Variants in TOM1L2 observed in about 807,000 individuals in gnomAD.
TOM1L2 encodes target of myb1 like 2 membrane trafficking protein, also known as TOM1-like protein 2.
Under a neutral mutation model 67.9 loss-of-function variants are expected in TOM1L2, and 31 were observed. The observed-to-expected ratio is 0.46, with a 90% CI of 0.34 to 0.62. The LOEUF is 0.62. TOM1L2 is among the 20% of genes least tolerant of loss of function. The pLI is 0.01. For missense variants in TOM1L2, 606 were observed against 663.5 expected (o/e 0.91, Z 0.95); for synonymous variants, 256 against 254.0 (o/e 1.01, Z -0.07).
chr17:17,866,003 T>C (rs775645193), intron 10 of TOM1L2, among the ~76,000 whole-genome samples: 5 of 151,820 alleles, frequency 3.3e-5, no homozygotes, highest in Non-Finnish European at 7.4e-5. Context: ...CGGCCTCCCA[T>C]AGTGCTGGGA....
intron 1 of TOM1L2, among the ~76,000 whole-genome samples, chr17:17,970,455 G>A (rs1276518379): frequency 1.3e-5 from 2 of 151,690 alleles, no homozygotes; most frequent in African/African-American, 4.9e-5. Flanking sequence ...AAAGGGGACA[G>A]AAAGGAAAAC....
chr17:17,864,453 A>G (rs9895335), intron 10 of TOM1L2, among the ~76,000 whole-genome samples: 80,254 of 147,998 alleles, frequency 0.54, 22,368 homozygotes, highest in Non-Finnish European at 0.63. Context: ...CTTGTGATCC[A>G]CCCGCCTCGG....
intron 11 of TOM1L2, chr17:17,862,525 G>A: frequency 1.7e-6 from 1 of 582,298 alleles, no homozygotes. Flanking sequence ...AGGAGAGTGT[G>A]TGTGTGTTTG....
intron 1 of TOM1L2, among the ~76,000 whole-genome samples, chr17:17,955,941 G>A (rs149197235): frequency 6.6e-6 from 1 of 152,196 alleles, no homozygotes; most frequent in East Asian, 1.9e-4. Flanking sequence ...CGCTCCTACC[G>A]CCTGGAATTG....
intron 2 of TOM1L2, among the ~76,000 whole-genome samples, chr17:17,902,466 T>A (rs555273702): frequency 2.7e-4 from 41 of 152,382 alleles, no homozygotes; most frequent in Non-Finnish European, 8.8e-5. Flanking sequence ...GCATCCTGCA[T>A]GTGCCCTTCC....
intron 3 of TOM1L2, among the ~76,000 whole-genome samples, chr17:17,894,187 G>C (rs922704722): frequency 6.6e-6 from 1 of 152,138 alleles, no homozygotes; most frequent in Non-Finnish European, 1.5e-5. Flanking sequence ...TTAGCCAATC[G>C]GACATGGGCT....
chr17:17,957,689 C>T (rs549556109), intron 1 of TOM1L2, among the ~76,000 whole-genome samples: 2 of 151,252 alleles, frequency 1.3e-5, no homozygotes, highest in South Asian at 4.2e-4. Flanking sequence ...ATATATTTAC[C>T]TGTGTGCATG....
intron 12 of TOM1L2, among the ~76,000 whole-genome samples, chr17:17,853,211 C>T (rs2036083639): frequency 6.6e-6 from 1 of 152,224 alleles, no homozygotes; most frequent in Non-Finnish European, 1.5e-5. Flanking sequence ...AAAACTGAAG[C>T]TTAGAAAGTC....
At chr17:17,968,863 A>G (rs1330558333) in intron 1 of TOM1L2, among the ~76,000 whole-genome samples, 1 of 152,044 alleles carries the variant, frequency 6.6e-6, no homozygotes, top group Non-Finnish European at 1.5e-5. Flanking sequence ...TTCTGCATGC[A>G]GAGTTCCTAC....
chr17:17,921,168 T>C (rs2039851900), intron 1 of TOM1L2, among the ~76,000 whole-genome samples: 1 of 152,212 alleles, frequency 6.6e-6, no homozygotes, highest in East Asian at 1.9e-4. Flanking sequence ...CTTATTCTCC[T>C]GTCTGGAGAG....
intron 1 of TOM1L2, among the ~76,000 whole-genome samples, chr17:17,933,900 T>C (rs1024492137): frequency 3.9e-5 from 6 of 152,136 alleles, no homozygotes; most frequent in Admixed American, 2.6e-4. Context: ...ATTTAAAGAA[T>C]GTGACTTGGG....
chr17:17,940,882 C>G (rs149996996), intron 1 of TOM1L2, among the ~76,000 whole-genome samples: 62 of 152,314 alleles, frequency 4.1e-4, no homozygotes, highest in Non-Finnish European at 7.6e-4. Flanking sequence ...GAAAGCCAGA[C>G]TGTCATTCGA....
chr17:17,970,404 T>C (rs2042024005), intron 1 of TOM1L2, among the ~76,000 whole-genome samples: 1 of 152,158 alleles, frequency 6.6e-6, no homozygotes, highest in Admixed American at 6.5e-5. Context: ...TACCCCTCAT[T>C]TACTACCTTG....
intron 4 of TOM1L2, 53 bp downstream of exon 4, chr17:17,893,601 CATCAATA>C: frequency 6.7e-7 from 1 of 1,487,356 alleles, no homozygotes; most frequent in Non-Finnish European, 9.2e-7. Context: ...CATGAGGACT[CATCAATA>C]AGAGACTTCA....
At chr17:17,862,697 TC>T (rs773352083) in intron 11 of TOM1L2, 33 bp downstream of exon 11, 20 of 1,558,236 alleles carry the variant, frequency 1.3e-5, no homozygotes, top group Non-Finnish European at 1.6e-5. Flanking sequence ...CCCCCCAATA[TC>T]TTTAGAGAGC....
intron 7 of TOM1L2, among the ~76,000 whole-genome samples, chr17:17,876,390 C>G (rs6502619): frequency 0.44 from 66,349 of 152,108 alleles, 17,286 homozygotes; most frequent in Non-Finnish European, 0.61. Context: ...GGTGGGCTGC[C>G]AAATGCTGCC....
rs139160414 is a variant in TOM1L2, at chr17:17,878,478, C to G, written c.777+1149G>C. On this transcript the variant is annotated intron_variant, in intron 7 of 14. Coordinates refer to ENST00000379504, the MANE Select transcript of TOM1L2 (RefSeq NM_001082968.2). ...ACTGTGTTTTGTGTCAGGCCTGGAA[C>G]AGGTCTCCACCCACCCTCACCCCCA... Among the ~76,000 whole-genome samples, 45 of 152,278 alleles carry G rather than the reference C, an allele frequency of 3.0e-4. No homozygotes were observed. In the East Asian group the frequency reaches 8.7e-3, roughly 29 times the overall value.
chr17:17,887,001 T>C (rs1475384461), intron 4 of TOM1L2, among the ~76,000 whole-genome samples: 1 of 152,236 alleles, frequency 6.6e-6, no homozygotes, highest in Non-Finnish European at 1.5e-5. Context: ...ACAGCCTATG[T>C]TCTCCAGAAG....
chr17:17,947,195 TCA>T (rs1348281062), intron 1 of TOM1L2, among the ~76,000 whole-genome samples: 1 of 152,042 alleles, frequency 6.6e-6, no homozygotes, highest in Non-Finnish European at 1.5e-5. Context: ...AGTGAGCTTT[TCA>T]GTTTTATACG....
Sources: allele counts gnomAD v4.1 joint callset (sites outside exome capture counted in the v4.1 genomes callset), GRCh38; gene constraint gnomAD v4.1.1; transcripts MANE v1.5; gene names NCBI Gene and HGNC (gene_info 2026-07-23, HGNC 2026-07-21).